The following RAB20 variants were observed in gnomAD, a reference collection of about 807,000 sequenced individuals.
RAB20 encodes RAB20, member RAS oncogene family.
RAB20 carries 2 observed loss-of-function variants against 3.7 expected under a neutral mutation model. That is an observed-to-expected ratio of 0.54 (90% confidence interval 0.22 to 1.69). The LOEUF is 1.69. RAB20 is among the 40% of genes most tolerant of loss of function. The pLI, the probability that RAB20 is intolerant of heterozygous loss-of-function variation, is 0.19. For missense variants in RAB20, 276 were observed against 311.9 expected (o/e 0.88, Z 0.87); for synonymous variants, 126 against 130.8 (o/e 0.96, Z 0.25).
intron 1 of RAB20, among the ~76,000 whole-genome samples, chr13:110,559,510 G>T (rs886139906): frequency 6.6e-6 from 1 of 152,184 alleles, no homozygotes; most frequent in Non-Finnish European, 1.5e-5. Context: ...GCAGGCAAGG[G>T]TGCCCTGTGT....
intron 1 of RAB20, among the ~76,000 whole-genome samples, chr13:110,556,824 G>A (rs1019858201): frequency 3.9e-5 from 6 of 152,198 alleles, no homozygotes; most frequent in Non-Finnish European, 7.3e-5. Context: ...GAGCTACCAT[G>A]CCCAGCAAAT....
At chr13:110,545,787 T>A (rs1402327523) in intron 1 of RAB20, among the ~76,000 whole-genome samples, 1 of 152,220 alleles carries the variant, frequency 6.6e-6, no homozygotes, top group Non-Finnish European at 1.5e-5. Context: ...AAGGGCACAA[T>A]AGGAGTCTGT....
chr13:110,524,650 CCCT>C (rs1467543049), intron 1 of RAB20, among the ~76,000 whole-genome samples: 1 of 152,240 alleles, frequency 6.6e-6, no homozygotes, highest in Non-Finnish European at 1.5e-5. Context: ...TGTCCCTTCA[CCCT>C]CCTCCTTTAC....
chr13:110,525,812 G>A (rs1300262525), intron 1 of RAB20, among the ~76,000 whole-genome samples: 1 of 152,232 alleles, frequency 6.6e-6, no homozygotes, highest in Non-Finnish European at 1.5e-5. Context: ...AGCTGTGGGA[G>A]AGGCAGCAGC....
At chr13:110,533,891 C>T (rs1297686648) in intron 1 of RAB20, among the ~76,000 whole-genome samples, 1 of 152,210 alleles carries the variant, frequency 6.6e-6, no homozygotes, top group African/African-American at 2.4e-5. Flanking sequence ...CCTGCCCCCA[C>T]CAGTACGTGG....
At chr13:110,553,879 G>A (rs9521838) in intron 1 of RAB20, among the ~76,000 whole-genome samples, 30,410 of 152,104 alleles carry the variant, frequency 0.2, 3,352 homozygotes, top group East Asian at 0.33. Flanking sequence ...ACTTTGGGAG[G>A]CCAAGGTAGG....
At chr13:110,538,660 G>C (rs1369556885) in intron 1 of RAB20, among the ~76,000 whole-genome samples, 1 of 150,972 alleles carries the variant, frequency 6.6e-6, no homozygotes, top group Admixed American at 6.6e-5. Flanking sequence ...AAGAAAGGCT[G>C]AGCAAACCCA....
At chr13:110,541,205 TCACGGC>T (rs1884756270) in intron 1 of RAB20, among the ~76,000 whole-genome samples, 1 of 152,212 alleles carries the variant, frequency 6.6e-6, no homozygotes, top group Non-Finnish European at 1.5e-5. Context: ...CTGGTCACGG[TCACGGC>T]GCAGCAACAG....
chr13:110,550,788 G>T (rs1305312586), intron 1 of RAB20, among the ~76,000 whole-genome samples: 1 of 152,078 alleles, frequency 6.6e-6, no homozygotes, highest in East Asian at 1.9e-4. Context: ...GGAAGAGTAG[G>T]GGAAAATACA....
At chr13:110,533,240 A>C (rs1594130588) in intron 1 of RAB20, among the ~76,000 whole-genome samples, 1 of 152,228 alleles carries the variant, frequency 6.6e-6, no homozygotes, top group Non-Finnish European at 1.5e-5. Context: ...TTGCATCCAC[A>C]AATACGAGCC....
chr13:110,558,597 G>A, intron 1 of RAB20, among the ~76,000 whole-genome samples: 1 of 151,248 alleles, frequency 6.6e-6, no homozygotes, highest in East Asian at 1.9e-4. Context: ...AACCAGGCTG[G>A]TCTTGAACTC....
At chr13:110,529,240 G>A (rs1216093634) in intron 1 of RAB20, among the ~76,000 whole-genome samples, 3 of 152,216 alleles carry the variant, frequency 2.0e-5, no homozygotes, top group South Asian at 2.1e-4. Flanking sequence ...ACCCTCACGC[G>A]TTTTCTGGAA....
At position 110,561,618 on chromosome 13, in the gene RAB20, G is replaced by A; in HGVS notation, c.-99C>T. Reference sequence around the variant, plus strand: ...TGGAGGAGCGGACCCCGGACTCGCCGGGACCCGGATTCTCGTGAACGCTCC... The same window carrying A: ...TGGAGGAGCGGACCCCGGACTCGCCAGGACCCGGATTCTCGTGAACGCTCC... On this transcript the variant is annotated 5_prime_UTR_variant, in exon 1 of 2. Coordinates refer to ENST00000267328, the MANE Select transcript of RAB20 (RefSeq NM_017817.3). 1 of 1,479,212 alleles carries A rather than the reference G, an allele frequency of 6.8e-7. No individual in the cohort carries two copies. The highest frequency in any genetic ancestry group is 1.4e-5 in the South Asian group (1 of 72,486). 91.6% of individuals were successfully genotyped at this position (1,479,212 alleles called of 1,614,324 possible). A position where few individuals can be genotyped will look rare whatever the true frequency, so the allele number is the denominator to read the frequency against.
Position 110,524,073 on chromosome 13 carries a change from T to A in RAB20, c.297A>T (p.Thr99=), listed in dbSNP as rs1374551957. The A allele has an allele frequency of 1.2e-6, 2 of 1,613,926 alleles. No individual in the cohort carries two copies. The highest frequency in any genetic ancestry group is 1.7e-5 in the Admixed American group (1 of 60,016). ...VELEDRFLGL[T]DTASKDCLFA... The stretch of plus-strand genomic sequence containing the variant: ...AGAGGCAGTCTTTGCTGGCTGTGTC[T>A]GTCAGGCCCAGGAACCGGTCCTCCA... The change falls in exon 2 of 2, where the codon ACA becomes ACT. Residue 99 remains threonine, a synonymous_variant. Coordinates refer to ENST00000267328, the MANE Select transcript of RAB20 (RefSeq NM_017817.3).
At chr13:110,551,927 AAAAAAAATAC>A (rs1157636250) in intron 1 of RAB20, among the ~76,000 whole-genome samples, 1 of 111,422 alleles carries the variant, frequency 9.0e-6, no homozygotes. Context: ...ACAAAAAAAA[AAAAAAAATAC>A]AAAAATTAGC....
At chr13:110,549,470 A>G (rs71440069) in intron 1 of RAB20, among the ~76,000 whole-genome samples, 26,616 of 152,038 alleles carry the variant, frequency 0.18, 3,986 homozygotes, top group African/African-American at 0.41. Flanking sequence ...CATTGTTACA[A>G]TCTATTGTTA....
Position 110,523,072 on chromosome 13 carries a change from G to T in RAB20, c.*593C>A, listed in dbSNP as rs3742189. On this transcript the variant is annotated 3_prime_UTR_variant, in exon 2 of 2. Coordinates refer to ENST00000267328, the MANE Select transcript of RAB20 (RefSeq NM_017817.3). The stretch of plus-strand genomic sequence containing the variant: ...TCAGTTCAGTCTCAATACCTAAGTT[G>T]TTCCAAAAATCCTCTTTAATAATAC... 40,910 of 367,580 alleles carry T rather than the reference G, an allele frequency of 0.11. 2,428 individuals are homozygous for T. The highest frequency in any genetic ancestry group is 0.14 in the East Asian group (3,567 of 25,276). 22.8% of individuals were successfully genotyped at this position (367,580 alleles called of 1,614,324 possible). A position where few individuals can be genotyped will look rare whatever the true frequency, so the allele number is the denominator to read the frequency against.
At chr13:110,530,118 C>T (rs920808455) in intron 1 of RAB20, among the ~76,000 whole-genome samples, 17 of 151,068 alleles carry the variant, frequency 1.1e-4, no homozygotes, top group African/African-American at 3.9e-4. Context: ...GGAGGCAGGT[C>T]CCACCACCCC....
At position 110,561,535 on chromosome 13, in the gene RAB20, C is replaced by T. The variant is rs377504070; in HGVS notation, c.-16G>A. On this transcript the variant is annotated 5_prime_UTR_variant, in exon 1 of 2. Coordinates refer to ENST00000267328, the MANE Select transcript of RAB20 (RefSeq NM_017817.3). Reference sequence around the variant, plus strand: ...GCTTCCTCATCTTCCCGTAAGAACCCCCAGCGCCCCCGCGCCCTCTCCCCG... The same window carrying T: ...GCTTCCTCATCTTCCCGTAAGAACCTCCAGCGCCCCCGCGCCCTCTCCCCG... 4 of 1,544,596 alleles carry T rather than the reference C, an allele frequency of 2.6e-6. No individual in the cohort carries two copies. The highest frequency in any genetic ancestry group is 2.6e-6 in the Non-Finnish European group (3 of 1,145,696).
Sources: gnomAD v4.1 joint callset for allele counts (sites outside exome capture counted in the v4.1 genomes callset) on GRCh38, gnomAD v4.1.1 for gene constraint, MANE v1.5 for transcripts, NCBI Gene and HGNC (gene_info 2026-07-23, HGNC 2026-07-21) for gene names.